Variants in NR3C1 observed in about 807,000 individuals in gnomAD.
NR3C1 encodes the protein glucocorticoid receptor.
In NR3C1, 14 loss-of-function variants were observed where a neutral mutation model predicts 74.0. The observed-to-expected ratio is 0.19, with a 90% CI of 0.12 to 0.30. NR3C1 has a LOEUF of 0.30. NR3C1 is among the 10% of genes least tolerant of loss of function. The pLI, the probability that NR3C1 is intolerant of heterozygous loss-of-function variation, is 1.00. For missense variants in NR3C1, 695 were observed against 909.8 expected, an observed-to-expected ratio of 0.76 and a Z score of 3.04; for synonymous variants, 308 against 332.5, an observed-to-expected ratio of 0.93 and a Z score of 0.80.
At chr5:143,311,788 GTTTTTTTTT>G (rs34827388) in intron 3 of NR3C1, among the ~76,000 whole-genome samples, 193 of 119,406 alleles carry the variant, frequency 1.6e-3, no homozygotes, top group South Asian at 0.011. Context: ...CCTGGATAAC[GTTTTTTTTT>G]TTTTTTTTTT....
intron 2 of NR3C1, among the ~76,000 whole-genome samples, chr5:143,388,011 G>T (rs1320231888): frequency 6.6e-6 from 1 of 152,126 alleles, no homozygotes; most frequent in Non-Finnish European, 1.5e-5. Flanking sequence ...TAAAGCTTCT[G>T]CTACAAAAGT....
chr5:143,314,061 C>T lies in NR3C1; in HGVS notation c.1292G>A (p.Cys431Tyr). The T allele has an allele frequency of 6.2e-7, 1 of 1,613,818 alleles. No homozygotes were observed. The highest frequency in any genetic ancestry group is 8.5e-7 in the Non-Finnish European group (1 of 1,179,742). ...CLVCSDEASG[C>Y]HYGVLTCGSC... The stretch of plus-strand genomic sequence containing the variant: ...TCCACAAGTTAAGACTCCATAATGA[C>T]ATCCTGAAGCTTCATCAGAGCACAC... Residue 431 changes from cysteine to tyrosine, a missense_variant, in exon 3 of 9, where the codon TGT (cysteine) becomes TAT (tyrosine). Transcript: ENST00000394464.
chr5:143,409,824 C>G (rs1312017751), intron 1 of NR3C1, among the ~76,000 whole-genome samples: 1 of 152,200 alleles, frequency 6.6e-6, no homozygotes, highest in African/African-American at 2.4e-5. Flanking sequence ...CTGGGAAATG[C>G]TAAATTATTA....
At chr5:143,340,764 G>A (rs1828056812) in intron 2 of NR3C1, among the ~76,000 whole-genome samples, 1 of 151,830 alleles carries the variant, frequency 6.6e-6, no homozygotes. Flanking sequence ...TACAGACATG[G>A]GCCACCACAC....
At chr5:143,322,564 T>C (rs907617221) in intron 2 of NR3C1, among the ~76,000 whole-genome samples, 1 of 152,236 alleles carries the variant, frequency 6.6e-6, no homozygotes, top group African/African-American at 2.4e-5. Flanking sequence ...TGTGACGATC[T>C]GTGTCATTTG....
rs1215832056 is a variant in NR3C1 at position 143,278,059 on chromosome 5, AAAAAT to A, written c.*3825_*3829del. On this transcript the variant is annotated 3_prime_UTR_variant, in exon 9 of 9. Coordinates refer to ENST00000394464, the MANE Select transcript of NR3C1 (RefSeq NM_000176.3). ...ATACCAGAACAGCAAATTTAAATGA[AAAAAT>A]AAAAGTTAAACATTTCCACACAAGG... 2 of 152,246 alleles carry A rather than the reference AAAAAT, an allele frequency of 1.3e-5. No individual in the cohort carries two copies. The highest frequency in any genetic ancestry group is 2.9e-5 in the Non-Finnish European group (2 of 68,042). 9.4% of individuals were successfully genotyped at this position (152,246 alleles called of 1,614,324 possible).
chr5:143,400,912 T>C, intron 1 of NR3C1, 60 bp from the exon 2 acceptor site: 2 of 1,289,780 alleles, frequency 1.6e-6, no homozygotes, highest in Non-Finnish European at 2.2e-6. Flanking sequence ...TCACATTATC[T>C]TCCTGATCCG....
At chr5:143,355,842 A>G (rs1054174202) in intron 2 of NR3C1, among the ~76,000 whole-genome samples, 1 of 152,198 alleles carries the variant, frequency 6.6e-6, no homozygotes, top group Non-Finnish European at 1.5e-5. Flanking sequence ...TTAATGTTTA[A>G]AAGAGGCAGA....
chr5:143,392,455 T>A (rs1838420503), intron 2 of NR3C1, among the ~76,000 whole-genome samples: 1 of 152,136 alleles, frequency 6.6e-6, no homozygotes, highest in South Asian at 2.1e-4. Context: ...TTATTAAAGA[T>A]ACATGAGGAA....
chr5:143,301,154 A>G (rs185567855), intron 4 of NR3C1, among the ~76,000 whole-genome samples: 2 of 152,186 alleles, frequency 1.3e-5, no homozygotes, highest in Admixed American at 1.3e-4. Flanking sequence ...TACTCTTACT[A>G]TAAACTGAAA....
chr5:143,299,343 T>TAAA (rs374503509), intron 5 of NR3C1, among the ~76,000 whole-genome samples: 9 of 127,310 alleles, frequency 7.1e-5, no homozygotes, highest in African/African-American at 2.3e-4. Context: ...GCTTTTAATG[T>TAAA]AAAAAAAAAA....
chr5:143,368,785 G>C (rs1833738983), intron 2 of NR3C1, among the ~76,000 whole-genome samples: 2 of 152,122 alleles, frequency 1.3e-5, no homozygotes, highest in African/African-American at 2.4e-5. Flanking sequence ...CTGAATACGT[G>C]AGACTGTGTA....
In NR3C1 at chr5:143,279,371, A is replaced by C; in HGVS notation, c.*2518T>G. On this transcript the variant is annotated 3_prime_UTR_variant, in exon 9 of 9. Coordinates refer to ENST00000394464, the MANE Select transcript of NR3C1 (RefSeq NM_000176.3). ...AGATTGTTGGGATGAAAATCAGATT[A>C]ATGTGTGAGATGTGCTTTCTGGTTT... 3.9e-6 allele frequency: 6 copies of C among 1,551,950 alleles called. No homozygotes were observed. The highest frequency in any genetic ancestry group is 5.2e-6 in the Non-Finnish European group (6 of 1,148,598).
rs72555801 is a variant in NR3C1, at chr5:143,434,497, C to T, written c.-14+35G>A. The T allele has an allele frequency of 2.7e-3, 2,677 of 976,640 alleles. 34 individuals are homozygous for T. The African/African-American group carries it at 0.032, about 12-fold the overall frequency. The allele number at this position is 976,640 out of a possible 1,614,324, so 60.5% of individuals were successfully genotyped here. On this transcript the variant is annotated intron_variant, in intron 1 of 8. Transcript: ENST00000343796. ...AGTAACTTTGTTAGAACTCACTTTA[C>T]CCAGCTATAGAATGGGAATAAAAAT...
At chr5:143,402,490 C>T (rs1031952009) in intron 1 of NR3C1, 1 of 611,626 alleles carries the variant, frequency 1.6e-6, no homozygotes, top group Non-Finnish European at 2.0e-6. Context: ...TAAAAGGGGC[C>T]ACTTAGAAAC....
At chr5:143,348,023 A>G (rs1168463690) in intron 2 of NR3C1, among the ~76,000 whole-genome samples, 5 of 152,184 alleles carry the variant, frequency 3.3e-5, no homozygotes, top group South Asian at 2.1e-4. Context: ...CACCCTCAAA[A>G]TACAGGCAGC....
intron 2 of NR3C1, among the ~76,000 whole-genome samples, chr5:143,334,276 G>A (rs947018195): frequency 1.4e-4 from 21 of 152,050 alleles, no homozygotes; most frequent in African/African-American, 5.1e-4. Context: ...CAGCTACTCA[G>A]GAGGCTGAGG....
intron 2 of NR3C1, among the ~76,000 whole-genome samples, chr5:143,354,153 A>G (rs1830696602): frequency 6.6e-6 from 1 of 152,246 alleles, no homozygotes. Flanking sequence ...AGAATTGAAG[A>G]GAGTTAAGCT....
At chr5:143,426,337 C>A (rs12054797) in intron 1 of NR3C1, among the ~76,000 whole-genome samples, 6 of 152,098 alleles carry the variant, frequency 3.9e-5, no homozygotes, top group Non-Finnish European at 8.8e-5. Flanking sequence ...CATACTCAAA[C>A]TCACTGAATT....
Sources: allele counts gnomAD v4.1 joint callset (sites outside exome capture counted in the v4.1 genomes callset), GRCh38; gene constraint gnomAD v4.1.1; transcripts MANE v1.5; gene names NCBI Gene and HGNC (gene_info 2026-07-23, HGNC 2026-07-21).